The following CEP63 variants were observed in gnomAD, a reference collection of about 807,000 sequenced individuals.
The protein encoded by CEP63 is centrosomal protein 63.
In CEP63, 84 loss-of-function variants were observed where a neutral mutation model predicts 89.1. That is an observed-to-expected ratio of 0.94 (90% CI 0.79 to 1.13). The LOEUF (loss-of-function observed/expected upper bound fraction) is 1.13. Among genes scored for constraint, CEP63 ranks in the 50% most tolerant of loss-of-function variants. The pLI is 0.00. For missense variants in CEP63, 838 were observed against 813.3 expected (o/e 1.03, Z -0.37); for synonymous variants, 267 against 272.5 (o/e 0.98, Z 0.20).
chr3:134,504,877 CGTACTT>C (rs1943063857), intron 2 of CEP63, among the ~76,000 whole-genome samples: 1 of 152,042 alleles, frequency 6.6e-6, no homozygotes, highest in Admixed American at 6.5e-5. Context: ...CAGAAATTCT[CGTACTT>C]GTTTTTACTC....
rs1023876316 is a variant in CEP63 at position 134,486,216 on chromosome 3, G to C, written c.-26+14G>C. ...CGCCGGCCCGAGGTAACGGCGGGAA[G>C]GCTCAGGGGCGTGCTTGCGGCAACC... On this transcript the variant is annotated intron_variant, in intron 1 of 14. Coordinates refer to ENST00000675561, the MANE Select transcript of CEP63 (RefSeq NM_001353108.3). The C allele has an allele frequency of 1.0e-6, 1 of 985,280 alleles. No individual in the cohort carries two copies. The allele number at this position is 985,280 out of a possible 1,614,324, so 61.0% of individuals were successfully genotyped here.
chr3:134,725,787 GC>G, the CEP63 span, among the ~76,000 whole-genome samples: 1 of 152,148 alleles, frequency 6.6e-6, no homozygotes, highest in Non-Finnish European at 1.5e-5. Context: ...CTTCCAGCAG[GC>G]TTTCTGCTAC....
At chr3:134,674,556 G>T in the CEP63 span, among the ~76,000 whole-genome samples, 7 of 152,046 alleles carry the variant, frequency 4.6e-5, no homozygotes, top group Non-Finnish European at 8.8e-5. Flanking sequence ...TCTTACCATT[G>T]CTACTTTAAG....
chr3:134,537,554 G>C (rs901393073), intron 6 of CEP63, among the ~76,000 whole-genome samples: 2 of 152,076 alleles, frequency 1.3e-5, no homozygotes, highest in Non-Finnish European at 2.9e-5. Context: ...CTCTGTCATT[G>C]TCTTGCTTAC....
At chr3:134,570,515 A>G (rs897499063) in intron 11 of CEP63, among the ~76,000 whole-genome samples, 2 of 152,176 alleles carry the variant, frequency 1.3e-5, no homozygotes, top group Non-Finnish European at 2.9e-5. Context: ...GTTCCCAACA[A>G]GTTCCTCATC....
At chr3:134,745,236 C>T in the CEP63 span, among the ~76,000 whole-genome samples, 1 of 152,186 alleles carries the variant, frequency 6.6e-6, no homozygotes, top group Non-Finnish European at 1.5e-5. Flanking sequence ...ACCCAGTGCT[C>T]AATGTCCCAA....
chr3:134,729,866 G>A, the CEP63 span, among the ~76,000 whole-genome samples: 3 of 152,226 alleles, frequency 2.0e-5, no homozygotes, highest in African/African-American at 7.2e-5. Flanking sequence ...CCAGGTGGGA[G>A]TTCTAGGATG....
intron 5 of CEP63, among the ~76,000 whole-genome samples, chr3:134,533,459 A>G (rs1452895347): frequency 6.6e-6 from 1 of 152,184 alleles, no homozygotes; most frequent in Non-Finnish European, 1.5e-5. Flanking sequence ...CTCAATTCCC[A>G]TTTAGATGTA....
At chr3:134,723,497 A>G in the CEP63 span, among the ~76,000 whole-genome samples, 1 of 152,204 alleles carries the variant, frequency 6.6e-6, no homozygotes, top group African/African-American at 2.4e-5. Flanking sequence ...CTGAAAGTAA[A>G]TTGTAATTGT....
chr3:134,665,719 AGAGAGACAGG>A, the CEP63 span, among the ~76,000 whole-genome samples: 261 of 115,370 alleles, frequency 2.3e-3, 2 homozygotes, highest in Admixed American at 4.5e-3. Context: ...AGAGAGAGAG[AGAGAGACAGG>A]GACAGAGCGA....
At chr3:134,655,164 T>C in the CEP63 span, among the ~76,000 whole-genome samples, 2 of 152,066 alleles carry the variant, frequency 1.3e-5, no homozygotes, top group African/African-American at 4.8e-5. Context: ...CAACTTCCTG[T>C]ATTCCAGCCA....
chr3:134,676,960 G>A, the CEP63 span, among the ~76,000 whole-genome samples: 1 of 152,190 alleles, frequency 6.6e-6, no homozygotes, highest in Non-Finnish European at 1.5e-5. Context: ...TCCCGGCCAG[G>A]TGCAGTGGTT....
chr3:134,498,216 G>C (rs987610097), intron 2 of CEP63, among the ~76,000 whole-genome samples: 3 of 151,732 alleles, frequency 2.0e-5, no homozygotes, highest in African/African-American at 7.3e-5. Flanking sequence ...CTTTTCATTT[G>C]TATCTTCAAT....
chr3:134,747,958 G>A, the CEP63 span, among the ~76,000 whole-genome samples: 1 of 152,074 alleles, frequency 6.6e-6, no homozygotes, highest in South Asian at 2.1e-4. Flanking sequence ...GCTAATTTTT[G>A]TATTTTTAGT....
At chr3:134,758,021 C>G in the CEP63 span, among the ~76,000 whole-genome samples, 1 of 152,090 alleles carries the variant, frequency 6.6e-6, no homozygotes, top group Non-Finnish European at 1.5e-5. Flanking sequence ...TACTTGTTAC[C>G]TCTCCTGAAA....
chr3:134,651,515 G>T, the CEP63 span: 8 of 995,884 alleles, frequency 8.0e-6, no homozygotes, highest in South Asian at 4.5e-5. Flanking sequence ...TGCAGAGATT[G>T]TCCAAGTTTT....
chr3:134,492,118 G>A (rs1417383561), intron 1 of CEP63, among the ~76,000 whole-genome samples: 1 of 126,208 alleles, frequency 7.9e-6, no homozygotes, highest in Non-Finnish European at 1.6e-5. Flanking sequence ...CTGTCGCCCA[G>A]GCTGGAGTGC....
chr3:134,705,418 GC>G, the CEP63 span, among the ~76,000 whole-genome samples: 1 of 152,150 alleles, frequency 6.6e-6, no homozygotes, highest in Non-Finnish European at 1.5e-5. Context: ...ACTCACTACT[GC>G]CAGAATGGCA....
At chr3:134,592,186 T>C (rs1449224144), downstream of CEP63, among the ~76,000 whole-genome samples, 2 of 152,162 alleles carry the variant, frequency 1.3e-5, no homozygotes, top group African/African-American at 2.4e-5. Flanking sequence ...TTCCTCAAAA[T>C]GTGGGCCTCT....
Sources: gnomAD v4.1 joint callset for allele counts (sites outside exome capture counted in the v4.1 genomes callset) on GRCh38, gnomAD v4.1.1 for gene constraint, MANE v1.5 for transcripts, NCBI Gene and HGNC (gene_info 2026-07-23, HGNC 2026-07-21) for gene names.